Variants in USO1 observed in about 807,000 individuals in gnomAD.
USO1 encodes the protein general vesicular transport factor p115.
A neutral mutation model predicts 124.5 loss-of-function variants in USO1; 57 were observed. The observed-to-expected ratio is 0.46, with a 90% CI of 0.37 to 0.57. USO1 has a LOEUF of 0.57. Ranked by LOEUF, USO1 falls within the 20% of genes least tolerant of loss-of-function variation. The pLI, the probability that USO1 is intolerant of heterozygous loss-of-function variation, is 0.00. For missense variants in USO1, 900 were observed against 1,040.6 expected (o/e 0.86, Z 1.86); for synonymous variants, 369 against 362.8 (o/e 1.02, Z -0.19).
Position 75,813,521 on chromosome 4 carries a change from A to C in USO1, c.*226A>C. On this transcript the variant is annotated 3_prime_UTR_variant, in exon 24 of 24. Coordinates refer to ENST00000514213, the MANE Select transcript of USO1 (RefSeq NM_003715.4). ...TTTAAATCCATCTGAACTGTCCCAA[A>C]ATGTAATTTGCAAAGAGCTTCAAAC... 2 of 353,210 alleles carry C rather than the reference A, an allele frequency of 5.7e-6. No homozygotes were observed. Among genetic ancestry groups the C allele is most frequent in the Non-Finnish European group, 4.8e-6 (1 of 207,318 alleles). 21.9% of individuals were successfully genotyped at this position (353,210 alleles called of 1,614,324 possible).
At position 75,804,980 on chromosome 4, in the gene USO1, A is replaced by G. The variant is rs529345827; in HGVS notation, c.2126-160A>G. On this transcript the variant is annotated intron_variant, in intron 18 of 23. Transcript: ENST00000514213. ...GAAATCTGGAAAATACTATCAGTTC[A>G]CTATTTTTATCAGTATACCATTCTG... is the stretch of plus-strand genomic sequence containing the variant. 699 of 885,758 alleles carry G rather than the reference A, an allele frequency of 7.9e-4. 1 individual carries two copies. Among genetic ancestry groups the G allele is most frequent in the Non-Finnish European group, 1.0e-3 (666 of 640,082 alleles). 54.9% of individuals were successfully genotyped at this position (885,758 alleles called of 1,614,324 possible).
At chr4:75,768,364 ACAC>A (rs1721828705) in intron 4 of USO1, among the ~76,000 whole-genome samples, 2 of 152,296 alleles carry the variant, frequency 1.3e-5, no homozygotes, top group East Asian at 3.9e-4. Flanking sequence ...TAAGTAGCAC[ACAC>A]CTATTGTCAA....
chr4:75,740,437 G>A (rs964437551), intron 1 of USO1, among the ~76,000 whole-genome samples: 4 of 152,116 alleles, frequency 2.6e-5, no homozygotes, highest in East Asian at 1.9e-4. Context: ...ACAGGCACTC[G>A]CCAACATGCC....
At position 75,810,443 on chromosome 4, in the gene USO1, T is replaced by A. The variant is rs1365190975; in HGVS notation, c.2487T>A (p.Val829=). 3 of 1,606,776 alleles carry A rather than the reference T, an allele frequency of 1.9e-6. No homozygotes were observed. In the African/African-American group the frequency reaches 4.0e-5, roughly 22 times the overall value. ...LQKTEAFAKS[V]EVQGETETII... ...ATTTCTAATTTCAGGCAAAATCAGT[T>A]GAGGTACAAGGAGAGACCGAGACTA... Residue 829 remains valine, a synonymous_variant, in exon 22 of 24, where the codon GTT becomes GTA. Coordinates refer to ENST00000514213, the MANE Select transcript of USO1 (RefSeq NM_003715.4).
At chr4:75,754,578 A>G (rs568898468) in intron 3 of USO1, among the ~76,000 whole-genome samples, 5 of 152,284 alleles carry the variant, frequency 3.3e-5, no homozygotes, top group Admixed American at 6.5e-5. Flanking sequence ...TGGTCCTCCA[A>G]TCCTTCTAGG....
chr4:75,752,295 T>C (rs1721314784), intron 1 of USO1, 78 bp from the exon 2 acceptor site: 2 of 396,628 alleles, frequency 5.0e-6, no homozygotes, highest in Non-Finnish European at 8.9e-6. Context: ...TTTTTTTAAT[T>C]ACATGGCATA....
intron 1 of USO1, among the ~76,000 whole-genome samples, chr4:75,748,854 T>A (rs11730896): frequency 0.53 from 80,071 of 151,956 alleles, 23,107 homozygotes; most frequent in East Asian, 0.81. Flanking sequence ...AGTCTTGCTT[T>A]GGAAAACTAT....
At chr4:75,768,568 A>T (rs1268818430) in intron 4 of USO1, among the ~76,000 whole-genome samples, 1 of 152,214 alleles carries the variant, frequency 6.6e-6, no homozygotes, top group South Asian at 2.1e-4. Context: ...ATAGACAAAC[A>T]TGTCATCTGT....
intron 1 of USO1, among the ~76,000 whole-genome samples, chr4:75,749,944 AG>A (rs1721257210): frequency 6.6e-6 from 1 of 152,002 alleles, no homozygotes; most frequent in Admixed American, 6.6e-5. Flanking sequence ...TAGTAGAGAC[AG>A]GGTTTCATCA....
At chr4:75,755,403 T>C (rs1721410870) in intron 3 of USO1, 1 of 515,478 alleles carries the variant, frequency 1.9e-6, no homozygotes, top group Non-Finnish European at 3.9e-6. Flanking sequence ...CCTTCTGAAA[T>C]GCGTATCTTC....
intron 12 of USO1, among the ~76,000 whole-genome samples, chr4:75,791,505 CAGAG>C (rs1333945259): frequency 6.6e-6 from 1 of 152,146 alleles, no homozygotes; most frequent in Non-Finnish European, 1.5e-5. Context: ...GCCTGGGCAA[CAGAG>C]AGAGACTGTG....
At chr4:75,729,716 T>C (rs1183339862) in intron 1 of USO1, among the ~76,000 whole-genome samples, 2 of 152,160 alleles carry the variant, frequency 1.3e-5, no homozygotes, top group Non-Finnish European at 1.5e-5. Context: ...TGATGAATCA[T>C]AGAGGCATTT....
Position 75,724,622 on chromosome 4 carries a change from C to T in USO1, c.-198C>T. ...GAGCCGCCACGTAATGCCACGTCCC[C>T]GCGCATGCGCATCTTGGCCGCTGCT... On this transcript the variant is annotated 5_prime_UTR_variant, in exon 1 of 24. Coordinates refer to ENST00000514213, the MANE Select transcript of USO1 (RefSeq NM_003715.4). 1.7e-6 allele frequency: 1 copy of T among 582,732 alleles called. No homozygotes were observed. Among genetic ancestry groups the T allele is most frequent in the Non-Finnish European group, 3.1e-6 (1 of 327,552 alleles). The allele number at this position is 582,732 out of a possible 1,614,324, so 36.1% of individuals were successfully genotyped here. A position where few individuals can be genotyped will look rare whatever the true frequency, so the allele number is the denominator to read the frequency against.
At chr4:75,772,323 GCC>G in intron 7 of USO1, among the ~76,000 whole-genome samples, 3 of 151,870 alleles carry the variant, frequency 2.0e-5, no homozygotes, top group African/African-American at 7.3e-5. Flanking sequence ...TGCAACCTCT[GCC>G]TCCCGGATTC....
At position 75,724,709 on chromosome 4, in the gene USO1, CAGT is replaced by C. The variant is rs1720336410; in HGVS notation, c.-108_-106del. The C allele has an allele frequency of 1.1e-5, 12 of 1,095,374 alleles. No homozygotes were observed. The highest frequency in any genetic ancestry group is 1.6e-5 in the Non-Finnish European group (12 of 753,486). The allele number at this position is 1,095,374 out of a possible 1,614,324, so 67.9% of individuals were successfully genotyped here. ...GCCGAGTTGGAGGCGGTGGTGGCAG[CAGT>C]AGGAGTGTGTAGAGTGCGGGATTGG... On this transcript the variant is annotated 5_prime_UTR_variant, in exon 1 of 24. The change abolishes the stop of an existing upstream ORF in the 5' untranslated region. Coordinates refer to ENST00000514213, the MANE Select transcript of USO1 (RefSeq NM_003715.4).
At chr4:75,756,917 G>T (rs1019344230) in intron 3 of USO1, among the ~76,000 whole-genome samples, 2 of 151,494 alleles carry the variant, frequency 1.3e-5, no homozygotes, top group African/African-American at 4.9e-5. Context: ...AGTCTACTTC[G>T]TTCCTCTAGA....
At chr4:75,779,686 A>G (rs1722165858) in intron 8 of USO1, among the ~76,000 whole-genome samples, 1 of 152,232 alleles carries the variant, frequency 6.6e-6, no homozygotes. Context: ...GCATGAAAGT[A>G]GCAGATGTTG....
chr4:75,774,013 G>T (rs1165744736), intron 7 of USO1, among the ~76,000 whole-genome samples: 2 of 152,052 alleles, frequency 1.3e-5, no homozygotes, highest in Admixed American at 1.3e-4. Flanking sequence ...GCAAAAATGG[G>T]TAACAGTGAG....
chr4:75,776,062 T>A (rs982048800), intron 8 of USO1, among the ~76,000 whole-genome samples: 2 of 152,186 alleles, frequency 1.3e-5, no homozygotes, highest in African/African-American at 4.8e-5. Context: ...ATGCCAATGA[T>A]GTTTTCCGTG....
Sources: gnomAD v4.1 joint callset for allele counts (sites outside exome capture counted in the v4.1 genomes callset) on GRCh38, gnomAD v4.1.1 for gene constraint, MANE v1.5 for transcripts, NCBI Gene and HGNC (gene_info 2026-07-23, HGNC 2026-07-21) for gene names.